SULF2: variants seen among roughly 807,000 people sequenced by gnomAD.
SULF2 encodes sulfatase 2, also known as extracellular sulfatase Sulf-2.
Under a neutral mutation model 107.7 loss-of-function variants are expected in SULF2, and 52 were observed. That is an observed-to-expected ratio of 0.48 (90% CI 0.39 to 0.61). SULF2 has a LOEUF of 0.61. Ranked by LOEUF, SULF2 falls within the 20% of genes least tolerant of loss-of-function variation. SULF2 has a pLI of 0.00. For missense variants in SULF2, 993 were observed against 1,177.3 expected, an observed-to-expected ratio of 0.84 and a Z score of 2.29; for synonymous variants, 460 against 464.3, an observed-to-expected ratio of 0.99 and a Z score of 0.12.
At chr20:47,659,364 C>A in intron 20 of SULF2, 35 bp downstream of exon 20, 1 of 1,603,914 alleles carries the variant, frequency 6.2e-7, no homozygotes. Context: ...CGGTCAGAAC[C>A]AGATTTCTAT....
chr20:47,693,099 T>C (rs905698244), intron 4 of SULF2, among the ~76,000 whole-genome samples: 1 of 152,174 alleles, frequency 6.6e-6, no homozygotes, highest in South Asian at 2.1e-4. Flanking sequence ...GTAAAAACAA[T>C]TTTATAAGGG....
chr20:47,671,132 CT>C (rs2087455966), intron 11 of SULF2, among the ~76,000 whole-genome samples: 1 of 152,210 alleles, frequency 6.6e-6, no homozygotes, highest in Non-Finnish European at 1.5e-5. Flanking sequence ...GCGGCTGAGC[CT>C]TCTGGCTGGG....
Position 47,659,393 on chromosome 20 carries a change from A to C in SULF2, c.2582+6T>G, listed in dbSNP as rs1333336781. ...TTTCTATTTGTAAGCTGGTTCCTCA[A>C]CTCACAGTGATTTGGAAGAAGGTCT... On this transcript the variant is annotated splice_donor_region_variant and intron_variant, in intron 20 of 20. Transcript: ENST00000688720. 6.2e-7 allele frequency: 1 copy of C among 1,613,762 alleles called. No homozygotes were observed. Among genetic ancestry groups the C allele is most frequent in the Non-Finnish European group, 8.5e-7 (1 of 1,179,790 alleles).
At chr20:47,746,930 C>T (rs2146850329) in intron 2 of SULF2, among the ~76,000 whole-genome samples, 1 of 148,354 alleles carries the variant, frequency 6.7e-6, no homozygotes, top group Non-Finnish European at 1.5e-5. Flanking sequence ...CACACATATA[C>T]ATATGTAACA....
intron 3 of SULF2, among the ~76,000 whole-genome samples, 158 bp from the exon 4 acceptor site, chr20:47,702,828 T>C (rs1213550499): frequency 6.6e-6 from 1 of 152,228 alleles, no homozygotes; most frequent in Non-Finnish European, 1.5e-5. Context: ...ATTACGTGCA[T>C]TGAATACAAG....
chr20:47,666,575 G>T lies in SULF2; in HGVS notation c.1577-87C>A. On this transcript the variant is annotated intron_variant, in intron 11 of 20. Coordinates refer to ENST00000688720, the MANE Select transcript of SULF2 (RefSeq NM_001387048.1). The surrounding 1 kb of genome is among the most constrained non-coding windows in gnomAD (Gnocchi z 5.4). ...GCAGTGGGTCCTTCATCAAGATAGG[G>T]CCGGGCTTCCAAGCATGAGGCTCAG... is the stretch of plus-strand genomic sequence containing the variant. 1 of 1,079,894 alleles carries T rather than the reference G, an allele frequency of 9.3e-7. No individual in the cohort carries two copies. The highest frequency in any genetic ancestry group is 1.4e-6 in the Non-Finnish European group (1 of 736,002). 66.9% of individuals were successfully genotyped at this position (1,079,894 alleles called of 1,614,324 possible).
chr20:47,769,157 C>T (rs1357725396), intron 1 of SULF2, among the ~76,000 whole-genome samples: 1 of 152,090 alleles, frequency 6.6e-6, no homozygotes, highest in Non-Finnish European at 1.5e-5. Flanking sequence ...TCTCCTGCCT[C>T]CGCCTCCTGA....
rs2087285236 is a variant in SULF2, at chr20:47,666,677, G to T, written c.1577-189C>A. On this transcript the variant is annotated intron_variant, in intron 11 of 20. Transcript: ENST00000688720. The surrounding 1 kb of genome is among the most constrained non-coding windows in gnomAD (Gnocchi z 5.4). ...CTGGACCGCAGGGGAGGGCCTCGAG[G>T]TGATCACACCGGCAAGACGGAAGTC... Among the ~76,000 whole-genome samples the T allele has an allele frequency of 6.6e-6, 1 of 152,244 alleles. No homozygotes were observed. The highest frequency in any genetic ancestry group is 1.5e-5 in the Non-Finnish European group (1 of 68,046).
intron 2 of SULF2, among the ~76,000 whole-genome samples, chr20:47,738,830 GA>G (rs111714608): frequency 3.0e-4 from 46 of 152,290 alleles, no homozygotes; most frequent in African/African-American, 1.1e-3. Context: ...TCAGCAGCAT[GA>G]AGACAGACCA....
At chr20:47,668,477 G>A (rs1431749410) in intron 11 of SULF2, among the ~76,000 whole-genome samples, 1 of 152,180 alleles carries the variant, frequency 6.6e-6, no homozygotes, top group Non-Finnish European at 1.5e-5. Context: ...AGTCCTGGAG[G>A]TACCCTTCCT....
intron 11 of SULF2, among the ~76,000 whole-genome samples, chr20:47,667,273 G>A (rs932357059): frequency 6.8e-4 from 103 of 152,268 alleles, no homozygotes; most frequent in African/African-American, 2.2e-3. Flanking sequence ...GCTTCTTTGA[G>A]TCCCAGAGAG....
intron 3 of SULF2, among the ~76,000 whole-genome samples, chr20:47,717,224 G>A (rs1210498244): frequency 6.6e-6 from 1 of 152,178 alleles, no homozygotes; most frequent in Non-Finnish European, 1.5e-5. Context: ...TGGTTTAGAC[G>A]ATGACCTACA....
chr20:47,668,587 G>A (rs2087354574), intron 11 of SULF2, among the ~76,000 whole-genome samples: 1 of 152,242 alleles, frequency 6.6e-6, no homozygotes, highest in Non-Finnish European at 1.5e-5. Context: ...GAGCACATGT[G>A]TGGCCCCGGC....
chr20:47,712,440 T>C (rs2088963902), intron 3 of SULF2, among the ~76,000 whole-genome samples: 1 of 152,232 alleles, frequency 6.6e-6, no homozygotes, highest in Non-Finnish European at 1.5e-5. Flanking sequence ...GGGCTGTTTA[T>C]TTCCTCTACA....
chr20:47,666,658 C>T lies in SULF2; in HGVS notation c.1577-170G>A, dbSNP rs761527912. On this transcript the variant is annotated intron_variant, in intron 11 of 20. Transcript: ENST00000688720. This position sits in a 1 kb window ranked among gnomAD's most constrained non-coding sequence, Gnocchi z 5.4. ...ACCCGCCTGCTCGCAGATCCTGGAC[C>T]GCAGGGGAGGGCCTCGAGGTGATCA... 6.6e-5 allele frequency among the ~76,000 whole-genome samples: 10 copies of T among 152,204 alleles called. No individual in the cohort carries two copies. The highest frequency in any genetic ancestry group is 3.3e-4 in the Admixed American group (5 of 15,280).
intron 4 of SULF2, among the ~76,000 whole-genome samples, chr20:47,695,503 T>G (rs1402159426): frequency 6.6e-6 from 1 of 152,222 alleles, no homozygotes; most frequent in Non-Finnish European, 1.5e-5. Flanking sequence ...TCTGACTAAT[T>G]TAGATGCCTC....
At chr20:47,729,652 C>G (rs184974679) in intron 3 of SULF2, among the ~76,000 whole-genome samples, 53 of 152,178 alleles carry the variant, frequency 3.5e-4, no homozygotes, top group Non-Finnish European at 6.3e-4. Flanking sequence ...CTGGAGGTGC[C>G]GAGGAGAAGC....
chr20:47,718,350 C>T (rs2089187664), intron 3 of SULF2, among the ~76,000 whole-genome samples: 1 of 152,148 alleles, frequency 6.6e-6, no homozygotes, highest in South Asian at 2.1e-4. Context: ...TATTATTGAT[C>T]ATGATGTTAT....
At chr20:47,784,922 C>T (rs1364519601) in intron 1 of SULF2, among the ~76,000 whole-genome samples, 1 of 152,158 alleles carries the variant, frequency 6.6e-6, no homozygotes, top group Non-Finnish European at 1.5e-5. Context: ...GAGTCCTGCC[C>T]GGACAAGCCC....
Sources: gnomAD v4.1 joint callset for allele counts (sites outside exome capture counted in the v4.1 genomes callset) on GRCh38, gnomAD v4.1.1 for gene constraint, Gnocchi (gnomAD v3.1) non-coding constraint, MANE v1.5 for transcripts, NCBI Gene and HGNC (gene_info 2026-07-23, HGNC 2026-07-21) for gene names.